Variants in GATA2 observed in about 807,000 individuals in gnomAD.
The protein encoded by GATA2 is GATA binding protein 2.
GATA2 carries 6 observed loss-of-function variants against 35.7 expected under a neutral mutation model. The ratio of observed to expected loss-of-function variants is 0.17; its 90% CI spans 0.09 to 0.33. The LOEUF (loss-of-function observed/expected upper bound fraction) is 0.33. Among genes scored for constraint, GATA2 ranks in the 10% least tolerant of loss-of-function variants. The probability of loss-of-function intolerance (pLI) is 1.00; values close to 1 mark genes in which losing one functional copy is unlikely to be tolerated. For synonymous variants in GATA2, 313 were observed against 274.9 expected (o/e 1.14, Z -1.37); for missense variants, 541 against 656.6 (o/e 0.82, Z 1.92).
At chr3:128,482,243 AT>A (rs1272780399) in intron 4 of GATA2, among the ~76,000 whole-genome samples, 2 of 152,178 alleles carry the variant, frequency 1.3e-5, no homozygotes, top group Non-Finnish European at 2.9e-5. Flanking sequence ...AACTCCATAA[AT>A]GGGGAAACTG....
At chr3:128,487,125 C>G in intron 1 of GATA2, 49 bp from the exon 2 acceptor site, 1 of 1,065,088 alleles carries the variant, frequency 9.4e-7, no homozygotes, top group African/African-American at 1.6e-5. Flanking sequence ...CTGACACCCC[C>G]CAAAGTCCCA....
In GATA2 at chr3:128,488,862, G is replaced by T. The variant is rs1428617072; in HGVS notation, c.-45-1786C>A. 6.6e-6 allele frequency among the ~76,000 whole-genome samples: 1 copy of T among 152,086 alleles called. No individual in the cohort carries two copies. On this transcript the variant is annotated intron_variant, in intron 1 of 5. Transcript: ENST00000341105. This position sits in a 1 kb window ranked among gnomAD's most constrained non-coding sequence, Gnocchi z 5.8. ...CGCACAAGTCTTCCTCCCTCCCATT[G>T]TACAGACTGGGGAGACGGAGGCTCG...
At chr3:128,491,649 C>T (rs950140046) in intron 1 of GATA2, among the ~76,000 whole-genome samples, 4 of 152,224 alleles carry the variant, frequency 2.6e-5, no homozygotes, top group Non-Finnish European at 5.9e-5. Context: ...CCTCCCTCGG[C>T]ATCAGTGCAG....
Position 128,480,999 on chromosome 3 carries a change from C to G in GATA2, c.*20G>C. 1.3e-6 allele frequency: 2 copies of G among 1,535,144 alleles called. No homozygotes were observed. Among genetic ancestry groups the G allele is most frequent in the Non-Finnish European group, 1.8e-6 (2 of 1,139,932 alleles). ...TCCACCCATCCCGGGAGTGCCCGGT[C>G]CTCGACGTCCATCTGTTCCCTAGCC... On this transcript the variant is annotated 3_prime_UTR_variant, in exon 6 of 6. Coordinates refer to ENST00000341105, the MANE Select transcript of GATA2 (RefSeq NM_032638.5).
intron 1 of GATA2, chr3:128,490,545 G>C (rs1383514032): frequency 6.6e-6 from 1 of 152,266 alleles, no homozygotes; most frequent in Non-Finnish European, 1.5e-5. Context: ...TAGGATGCGG[G>C]ACTGCTGCAT....
chr3:128,483,078 G>A (rs373495229), intron 4 of GATA2, among the ~76,000 whole-genome samples: 4 of 152,220 alleles, frequency 2.6e-5, no homozygotes, highest in Admixed American at 6.5e-5. Context: ...ACCCCCACCC[G>A]GGCCTCACCC....
chr3:128,482,906 G>T (rs1017396410), intron 4 of GATA2, among the ~76,000 whole-genome samples: 7 of 152,230 alleles, frequency 4.6e-5, no homozygotes, highest in Non-Finnish European at 8.8e-5. Context: ...TGGTGAGTGT[G>T]GGGGGCTGGG....
chr3:128,487,049 C>T lies in GATA2; in HGVS notation c.-18G>A. On this transcript the variant is annotated 5_prime_UTR_variant, in exon 2 of 6. Transcript: ENST00000341105. ...ACCTCCATGGCCGGCGGCGGCGGCT[C>T]AGGGTCTGGGTGCAGACGGCAACGG... The T allele has an allele frequency of 6.4e-7, 1 of 1,557,548 alleles. No individual in the cohort carries two copies. The highest frequency in any genetic ancestry group is 1.2e-5 in the South Asian group (1 of 85,108).
Position 128,481,316 on chromosome 3 carries a change from A to G in GATA2, c.1146T>C (p.Val382=). The G allele has an allele frequency of 6.2e-7, 1 of 1,612,390 alleles. No individual in the cohort carries two copies. The highest frequency in any genetic ancestry group is 8.5e-7 in the Non-Finnish European group (1 of 1,180,004). The stretch of plus-strand genomic sequence containing the variant: ...CCTTCTTCATGGTCAGTGGCCTGTT[A>G]ACCTAGAGGCAACCACCAGTTTTCA... The part of the protein sequence containing the change: ...ACGLYYKLHN[V]NRPLTMKKEG... The change falls in exon 6 of 6, where the codon GTT becomes GTC. Residue 382 remains valine, a splice_region_variant and synonymous_variant. Transcript: ENST00000341105.
Position 128,491,216 on chromosome 3 carries a change from C to A in GATA2, c.-46+1683G>T, listed in dbSNP as rs1357898207. On this transcript the variant is annotated intron_variant, in intron 1 of 5. Coordinates refer to ENST00000341105, the MANE Select transcript of GATA2 (RefSeq NM_032638.5). ...GTCTCCCCGGCCGTCCAGCCCCCCC[C>A]CCCCTCTGAGCCCTTTGTTTAAAGT... 3.3e-5 allele frequency among the ~76,000 whole-genome samples: 4 copies of A among 122,362 alleles called. 1 individual carries two copies. Among genetic ancestry groups the A allele is most frequent in the East Asian group, 4.3e-4 (2 of 4,674 alleles). 80.3% of individuals were successfully genotyped at this position (122,362 alleles called of 152,430 possible). A position where few individuals can be genotyped will look rare whatever the true frequency, so the allele number is the denominator to read the frequency against.
At position 128,481,626 on chromosome 3, in the gene GATA2, T is replaced by C. The variant is rs375115092; in HGVS notation, c.1143+193A>G. On this transcript the variant is annotated intron_variant, in intron 5 of 5. Coordinates refer to ENST00000341105, the MANE Select transcript of GATA2 (RefSeq NM_032638.5). ...AAACCACTTCCCTAGTCCGAGACCC[T>C]GTCCTAGCCAGCTCCACCTCCTGAG... Among the ~76,000 whole-genome samples the C allele has an allele frequency of 4.1e-3, 598 of 145,352 alleles. 6 individuals carry two copies. The highest frequency in any genetic ancestry group is 0.014 in the African/African-American group (579 of 40,128).
At chr3:128,486,773 G>A in intron 2 of GATA2, 30 bp downstream of exon 2, 2 of 1,570,124 alleles carry the variant, frequency 1.3e-6, no homozygotes, top group Non-Finnish European at 1.7e-6. Flanking sequence ...GCGGCGCCTG[G>A]GTTCTCATCA....
rs1349215853 is a variant in GATA2 at position 128,480,932 on chromosome 3, T to G, written c.*87A>C. Reference sequence around the variant, plus strand: ...CTGGGCCGAGCCGGGCTGGCAGGAGTGGTGTCGGCCTTCGGGAAATGCTGG... The same window carrying G: ...CTGGGCCGAGCCGGGCTGGCAGGAGGGGTGTCGGCCTTCGGGAAATGCTGG... On this transcript the variant is annotated 3_prime_UTR_variant, in exon 6 of 6. Coordinates refer to ENST00000341105, the MANE Select transcript of GATA2 (RefSeq NM_032638.5). 2.2e-6 allele frequency: 3 copies of G among 1,377,500 alleles called. No individual in the cohort carries two copies. The highest frequency in any genetic ancestry group is 1.6e-5 in the South Asian group (1 of 63,980). 85.3% of individuals were successfully genotyped at this position (1,377,500 alleles called of 1,614,324 possible). A position where few individuals can be genotyped will look rare whatever the true frequency, so the allele number is the denominator to read the frequency against.
chr3:128,484,489 G>A (rs992760864), intron 3 of GATA2, among the ~76,000 whole-genome samples: 1 of 152,126 alleles, frequency 6.6e-6, no homozygotes, highest in African/African-American at 2.4e-5. Context: ...TCTAAGTCCA[G>A]AAGCATTTCC....
At chr3:128,486,420 A>G (rs996948544) in intron 2 of GATA2, 52 bp from the exon 3 acceptor site, 12 of 1,567,860 alleles carry the variant, frequency 7.7e-6, no homozygotes, top group Non-Finnish European at 1.0e-5. Flanking sequence ...CAGGGTAGGC[A>G]GAGCTAGGGA....
rs373070119 is a variant in GATA2, at chr3:128,491,208, G to GCCCCCCCCCCCCCCCCCCCC, written c.-46+1690_-46+1691insGGGGGGGGGGGGGGGGGGGG. ...ATGCCCAGGTCTCCCCGGCCGTCCAGCCCCCCCCCCCCTCTGAGCCCTTTG... is the reference window on the plus strand; with the variant it reads ...ATGCCCAGGTCTCCCCGGCCGTCCAGCCCCCCCCCCCCCCCCCCCCCCCCCCCCCCCCTCTGAGCCCTTTG... On this transcript the variant is annotated intron_variant, in intron 1 of 5. Transcript: ENST00000341105. Among the ~76,000 whole-genome samples the GCCCCCCCCCCCCCCCCCCCC allele has an allele frequency of 1.9e-5, 2 of 107,460 alleles. 1 individual carries two copies. The highest frequency in any genetic ancestry group is 8.2e-5 in the African/African-American group (2 of 24,262). The allele number at this position is 107,460 out of a possible 152,430, so 70.5% of individuals were successfully genotyped here.
At position 128,481,115 on chromosome 3, in the gene GATA2, G is replaced by A. The variant is rs150052821; in HGVS notation, c.1347C>T (p.Ser449=). Residue 449 remains serine (S), a synonymous_variant, in exon 6 of 6, where the codon TCC becomes TCT. Transcript: ENST00000341105. ...PVGHLPPFSH[S]GHILPTPTPI... ...GCGTCGGAGTGGGCAGGATGTGTCC[G>A]GAGTGGCTGAAGGGCGGGAGGTGGC... 6.2e-6 allele frequency: 10 copies of A among 1,614,168 alleles called. No individual in the cohort carries two copies. The East Asian group carries it at 6.7e-5, about 11-fold the overall frequency.
chr3:128,483,287 C>G lies in GATA2; in HGVS notation c.1017+573G>C, dbSNP rs960389822. Among the ~76,000 whole-genome samples, 3 of 152,126 alleles carry G rather than the reference C, an allele frequency of 2.0e-5. No homozygotes were observed. The highest frequency in any genetic ancestry group is 4.4e-5 in the Non-Finnish European group (3 of 68,030). On this transcript the variant is annotated intron_variant, in intron 4 of 5. Transcript: ENST00000341105. ...GGAGACTCTAAAAACTCGCAGAGTC[C>G]GGAAACAGATACACGAAGTTTCCTT...
Position 128,486,380 on chromosome 3 carries a change from G to A in GATA2, c.230-12C>T, listed in dbSNP as rs2107673037. 1.3e-6 allele frequency: 2 copies of A among 1,594,128 alleles called. No individual in the cohort carries two copies. The highest frequency in any genetic ancestry group is 1.7e-6 in the Non-Finnish European group (2 of 1,175,970). Reference sequence around the variant, plus strand: ...TCCGGTCAGGCGGGCTGCGGGCAAAGAGAGAGAGGATCAGGGTGGGCAGAA... The same window carrying A: ...TCCGGTCAGGCGGGCTGCGGGCAAAAAGAGAGAGGATCAGGGTGGGCAGAA... On this transcript the variant is annotated splice_polypyrimidine_tract_variant and intron_variant, in intron 2 of 5. Coordinates refer to ENST00000341105, the MANE Select transcript of GATA2 (RefSeq NM_032638.5).
Sources: gnomAD v4.1 joint callset for allele counts (sites outside exome capture counted in the v4.1 genomes callset) on GRCh38, gnomAD v4.1.1 for gene constraint, Gnocchi (gnomAD v3.1) non-coding constraint, MANE v1.5 for transcripts, NCBI Gene and HGNC (gene_info 2026-07-23, HGNC 2026-07-21) for gene names.